PID1: variants seen among roughly 807,000 people sequenced by gnomAD.
The protein encoded by PID1 is PTB-containing, cubilin and LRP1-interacting protein.
PID1 carries 10 observed loss-of-function variants against 19.1 expected under a neutral mutation model. The ratio of observed to expected loss-of-function variants is 0.52; its 90% CI spans 0.32 to 0.89. The LOEUF is 0.89. PID1 is among the 40% of genes least tolerant of loss of function. PID1 has a pLI of 0.03. For synonymous variants in PID1, 130 were observed against 116.0 expected, an observed-to-expected ratio of 1.12 and a Z score of -0.78; for missense variants, 248 against 285.3, an observed-to-expected ratio of 0.87 and a Z score of 0.94.
intron 1 of PID1, among the ~76,000 whole-genome samples, chr2:229,259,602 G>A (rs146846307): frequency 1.2e-3 from 178 of 152,280 alleles, no homozygotes; most frequent in African/African-American, 3.8e-3. Context: ...TTTGTAAATG[G>A]CATGATGAAT....
intron 1 of PID1, among the ~76,000 whole-genome samples, chr2:229,202,127 T>G (rs1691510947): frequency 6.6e-6 from 1 of 152,094 alleles, no homozygotes; most frequent in Admixed American, 6.6e-5. Context: ...GGGAATCAAT[T>G]GTCAAACATT....
intron 2 of PID1, among the ~76,000 whole-genome samples, chr2:229,094,346 A>G (rs966640277): frequency 6.6e-6 from 1 of 152,184 alleles, no homozygotes; most frequent in African/African-American, 2.4e-5. Flanking sequence ...AAGAATCAAT[A>G]TCATGAAAAT....
chr2:229,049,643 TAA>T (rs10591193), intron 2 of PID1, among the ~76,000 whole-genome samples: 79,288 of 151,882 alleles, frequency 0.52, 21,444 homozygotes, highest in East Asian at 0.67. Context: ...TAAGATGATA[TAA>T]GAGACATGTT....
chr2:229,102,600 G>A lies in PID1; in HGVS notation c.177+53218C>T, dbSNP rs115877574. Among the ~76,000 whole-genome samples, 204 of 152,330 alleles carry A rather than the reference G, an allele frequency of 1.3e-3. 1 individual carries two copies. Among genetic ancestry groups the A allele is most frequent in the African/African-American group, 4.6e-3 (191 of 41,584 alleles). The stretch of plus-strand genomic sequence containing the variant: ...GAAGCTGGTCTGCATCGTTTCTGGT[G>A]CTGCCTATAACTTGGCAGGGAGATG... On this transcript the variant is annotated intron_variant, in intron 2 of 2. Coordinates refer to ENST00000392055, the MANE Select transcript of PID1 (RefSeq NM_001100818.2).
intron 2 of PID1, among the ~76,000 whole-genome samples, chr2:229,126,835 A>C (rs1695631801): frequency 1.3e-5 from 2 of 152,346 alleles, no homozygotes; most frequent in Admixed American, 1.3e-4. Flanking sequence ...AGAGAAGGCT[A>C]ACTTCTTTCA....
chr2:229,078,583 T>A (rs1694610153), intron 2 of PID1, among the ~76,000 whole-genome samples: 1 of 152,224 alleles, frequency 6.6e-6, no homozygotes, highest in Admixed American at 6.5e-5. Context: ...AATACCTACT[T>A]TATTGAGTGT....
intron 2 of PID1, among the ~76,000 whole-genome samples, chr2:229,045,794 C>G (rs1364804329): frequency 6.6e-6 from 1 of 152,218 alleles, no homozygotes; most frequent in Non-Finnish European, 1.5e-5. Context: ...AGCACACTGT[C>G]ACGGAGCATG....
intron 2 of PID1, among the ~76,000 whole-genome samples, chr2:229,098,929 C>T (rs575745532): frequency 2.9e-4 from 44 of 152,216 alleles, no homozygotes; most frequent in African/African-American, 1.0e-3. Flanking sequence ...CATTTTTTGG[C>T]TTTCTTCTCT....
intron 2 of PID1, among the ~76,000 whole-genome samples, chr2:229,122,761 G>A (rs1433434181): frequency 6.6e-6 from 1 of 152,112 alleles, no homozygotes; most frequent in African/African-American, 2.4e-5. Flanking sequence ...CCAACCCTAT[G>A]CCCTGAAGCA....
intron 1 of PID1, among the ~76,000 whole-genome samples, chr2:229,223,805 G>A (rs895183213): frequency 6.6e-6 from 1 of 152,116 alleles, no homozygotes; most frequent in African/African-American, 2.4e-5. Flanking sequence ...TTAGATTCAG[G>A]GGATACCTAT....
chr2:229,101,803 T>C (rs1240180960), intron 2 of PID1, among the ~76,000 whole-genome samples: 2 of 152,170 alleles, frequency 1.3e-5, no homozygotes, highest in African/African-American at 2.4e-5. Flanking sequence ...GAGCCTATGG[T>C]GGGCAGATTA....
At chr2:229,223,292 T>A (rs566395396) in intron 1 of PID1, among the ~76,000 whole-genome samples, 3 of 152,344 alleles carry the variant, frequency 2.0e-5, no homozygotes, top group African/African-American at 7.2e-5. Context: ...CATCATTATT[T>A]TAATCTGCAT....
chr2:229,174,536 T>C (rs1382372402), intron 1 of PID1, among the ~76,000 whole-genome samples: 1 of 152,046 alleles, frequency 6.6e-6, no homozygotes, highest in African/African-American at 2.4e-5. Context: ...AAGCAATGTT[T>C]CCCAAGTATT....
At chr2:229,262,864 C>T in intron 1 of PID1, 7 of 1,541,664 alleles carry the variant, frequency 4.5e-6, no homozygotes, top group African/African-American at 4.1e-5. Flanking sequence ...ATGGCCTTCT[C>T]TGTGCCGCTT....
At chr2:229,033,547 G>A (rs183962370) in intron 2 of PID1, among the ~76,000 whole-genome samples, 314 of 152,222 alleles carry the variant, frequency 2.1e-3, no homozygotes, top group Middle Eastern at 3.4e-3. Flanking sequence ...GGGGGCTAGG[G>A]GAGGGAGAGC....
chr2:229,143,373 T>C (rs975956619), intron 2 of PID1, among the ~76,000 whole-genome samples: 1 of 152,052 alleles, frequency 6.6e-6, no homozygotes, highest in Non-Finnish European at 1.5e-5. Flanking sequence ...AAAAAACTGA[T>C]ATTTTGACCT....
chr2:229,183,662 T>C (rs1310145462), intron 1 of PID1, among the ~76,000 whole-genome samples: 1 of 151,984 alleles, frequency 6.6e-6, no homozygotes, highest in African/African-American at 2.4e-5. Context: ...AACCATCAGC[T>C]CTTCTTGGGT....
At chr2:229,064,302 T>A (rs1328960537) in intron 2 of PID1, among the ~76,000 whole-genome samples, 1 of 151,996 alleles carries the variant, frequency 6.6e-6, no homozygotes, top group African/African-American at 2.4e-5. Flanking sequence ...GAAGTAAAAT[T>A]GAGCTGGTTC....
chr2:229,051,090 A>G (rs1017363947), intron 2 of PID1, among the ~76,000 whole-genome samples: 6 of 152,182 alleles, frequency 3.9e-5, no homozygotes, highest in Non-Finnish European at 5.9e-5. Flanking sequence ...AATGATCACC[A>G]TAACTCCTGG....
Sources: allele counts gnomAD v4.1 joint callset (sites outside exome capture counted in the v4.1 genomes callset), GRCh38; gene constraint gnomAD v4.1.1; transcripts MANE v1.5; gene names NCBI Gene and HGNC (gene_info 2026-07-23, HGNC 2026-07-21).